RYR1: variants seen among roughly 807,000 people sequenced by gnomAD.
RYR1 encodes the protein ryanodine receptor 1, also known as central core disease of muscle.
A neutral mutation model predicts 583.5 loss-of-function variants in RYR1; 342 were observed. That is an observed-to-expected ratio of 0.59 (90% confidence interval 0.54 to 0.64). The LOEUF (loss-of-function observed/expected upper bound fraction) is 0.64. RYR1 is among the 30% of genes least tolerant of loss of function. The pLI, the probability that RYR1 is intolerant of heterozygous loss-of-function variation, is 0.00. For synonymous variants in RYR1, 2,791 were observed against 2,822.5 expected, an observed-to-expected ratio of 0.99 and a Z score of 0.35; for missense variants, 6,032 against 6,917.2, an observed-to-expected ratio of 0.87 and a Z score of 4.54.
At chr19:38,492,735 A>AGG (rs1331425159) in intron 38 of RYR1, 99 bp downstream of exon 38, 33 of 1,277,206 alleles carry the variant, frequency 2.6e-5, no homozygotes, top group Non-Finnish European at 3.4e-5. Context: ...GACAGATGCA[A>AGG]GGGAGGGGTA....
intron 65 of RYR1, among the ~76,000 whole-genome samples, chr19:38,516,897 C>T (rs1373601855): frequency 6.6e-6 from 1 of 152,152 alleles, no homozygotes; most frequent in Non-Finnish European, 1.5e-5. Context: ...AACTTGTCTT[C>T]TTGGTCAGCT....
At chr19:38,518,470 A>G (rs1018196505) in intron 66 of RYR1, among the ~76,000 whole-genome samples, 1 of 152,066 alleles carries the variant, frequency 6.6e-6, no homozygotes, top group Admixed American at 6.6e-5. Flanking sequence ...GTCAACCTAG[A>G]AATCAGGAGC....
chr19:38,565,271 CTGCGGCGGCGCG>C lies in RYR1; in HGVS notation c.12947_12958del (p.Arg4316_Arg4319del), dbSNP rs1455190973. 24 of 995,600 alleles carry C rather than the reference CTGCGGCGGCGCG, an allele frequency of 2.4e-5. No homozygotes were observed. The highest frequency in any genetic ancestry group is 2.9e-5 in the Non-Finnish European group (24 of 838,332). 61.7% of individuals were successfully genotyped at this position (995,600 alleles called of 1,614,324 possible). ...CCTGCGAGGCCTCAGCTACCGCAGC[CTGCGGCGGCGCG>C]TGCGGCGGCTGCGGCGGCTTACGGC... On this transcript the variant is annotated inframe_deletion, in exon 91 of 106. Transcript: ENST00000359596. The surrounding 1 kb of genome is among the most constrained non-coding windows in gnomAD (Gnocchi z 4.7).
chr19:38,529,063 G>A lies in RYR1; in HGVS notation c.11141+6G>A, dbSNP rs1971614630. 1 of 1,613,222 alleles carries A rather than the reference G, an allele frequency of 6.2e-7. No homozygotes were observed. The highest frequency in any genetic ancestry group is 1.3e-5 in the African/African-American group (1 of 74,914). ...ACTGCCCTGACGGAAAAGAGGTGAA[G>A]ACTCTTGCCAGGGCCCCAGAAATGC... On this transcript the variant is annotated splice_donor_region_variant and intron_variant, in intron 76 of 105. Coordinates refer to ENST00000359596, the MANE Select transcript of RYR1 (RefSeq NM_000540.3).
At chr19:38,458,606 TTTATTTTGTTTG>T (rs1023131168) in intron 18 of RYR1, among the ~76,000 whole-genome samples, 3 of 150,702 alleles carry the variant, frequency 2.0e-5, no homozygotes, top group Non-Finnish European at 4.4e-5. Flanking sequence ...TATTTATTTA[TTTATTTTGTTTG>T]TTTGTTTGTT....
At position 38,565,473 on chromosome 19, in the gene RYR1, T is replaced by C; in HGVS notation, c.13139T>C (p.Leu4380Pro). The change falls in exon 91 of 106, where the codon CTG becomes CCG. Residue 4380 changes from leucine (L) to proline (P), a missense_variant. By Grantham distance (98) the Leu-to-Pro change is moderately conservative. This residue lies in a region of RYR1 where 753 missense variants were observed against 759.6 expected (regional missense o/e 0.99). Coordinates refer to ENST00000359596, the MANE Select transcript of RYR1 (RefSeq NM_000540.3). The surrounding 1 kb of genome is among the most constrained non-coding windows in gnomAD (Gnocchi z 4.7). ...GAKKVTVTEL[L>P]AGMPDPTSDE... ...AAGAAGGTGACGGTGACCGAGCTCCTGGCAGGCATGCCCGACCCCACCAGC... is the reference window on the plus strand; with the variant it reads ...AAGAAGGTGACGGTGACCGAGCTCCCGGCAGGCATGCCCGACCCCACCAGC... The C allele has an allele frequency of 6.6e-7, 1 of 1,504,196 alleles. No homozygotes were observed. The highest frequency in any genetic ancestry group is 8.8e-7 in the Non-Finnish European group (1 of 1,134,080). 93.2% of individuals were successfully genotyped at this position (1,504,196 alleles called of 1,614,324 possible). A position where few individuals can be genotyped will look rare whatever the true frequency, so the allele number is the denominator to read the frequency against.
chr19:38,543,498 CA>C lies in RYR1; in HGVS notation c.11779-33del. On this transcript the variant is annotated intron_variant, in intron 85 of 105. Transcript: ENST00000359596. The surrounding 1 kb of genome is among the most constrained non-coding windows in gnomAD (Gnocchi z 4.4). ...GGGGCTGCAGGGCCATGGTCGGCCC[CA>C]GCACCCCCTCACACCCTACCCGCCC... is the stretch of plus-strand genomic sequence containing the variant. 1 of 1,614,200 alleles carries C rather than the reference CA, an allele frequency of 6.2e-7. No individual in the cohort carries two copies. The highest frequency in any genetic ancestry group is 8.5e-7 in the Non-Finnish European group (1 of 1,180,024).
rs118192143 is a variant in RYR1, at chr19:38,580,395, C to T, written c.14537C>T (p.Ala4846Val). 2.5e-6 allele frequency: 4 copies of T among 1,614,100 alleles called. No homozygotes were observed. Among genetic ancestry groups the T allele is most frequent in the South Asian group, 1.1e-5 (1 of 91,082 alleles). The change falls in exon 101 of 106, where the codon GCG becomes GTG. Residue 4846 changes from alanine to valine, a missense_variant. This residue lies in a region of RYR1 where 189 missense variants were observed against 350.3 expected (regional missense o/e 0.54). Transcript: ENST00000359596. The stretch of plus-strand genomic sequence containing the variant: ...CTGGTGATGACCGTGGGCCTTCTGG[C>T]GGTGGTCGTCTACCTGTACACCGTG... ...KQLVMTVGLL[A>V]VVVYLYTVVA... is the part of the protein sequence containing the mutation.
rs1600772418 is a variant in RYR1, at chr19:38,485,961, C to T, written c.5306C>T (p.Thr1769Ile). 1.2e-6 allele frequency: 2 copies of T among 1,613,616 alleles called. No homozygotes were observed. ...GGCCTGCCGGGAGTTGGAGTCACCA[C>T]TTCGCTGAGGCCCCCGCATCATTTC... ...RHGLPGVGVTTSLRPPHHFSP... is the reference protein window; with the variant it reads ...RHGLPGVGVTISLRPPHHFSP... The change falls in exon 34 of 106, where the codon ACT becomes ATT. Residue 1769 changes from threonine (T) to isoleucine (I), a missense_variant. By Grantham distance (89) the Thr-to-Ile change is moderately conservative. Coordinates refer to ENST00000359596, the MANE Select transcript of RYR1 (RefSeq NM_000540.3).
At chr19:38,469,644 T>A in intron 27 of RYR1, 131 bp downstream of exon 27, 1 of 980,208 alleles carries the variant, frequency 1.0e-6, no homozygotes, top group Non-Finnish European at 1.6e-6. Context: ...GTCAGAGTGA[T>A]GGGCTCACGG....
chr19:38,463,254 A>G (rs1431716586), intron 20 of RYR1, among the ~76,000 whole-genome samples, 169 bp from the exon 21 acceptor site: 1 of 148,772 alleles, frequency 6.7e-6, no homozygotes, highest in Non-Finnish European at 1.5e-5. Context: ...CACCCATCTG[A>G]GTGTCAACCC....
Position 38,502,925 on chromosome 19 carries a change from G to T in RYR1, c.7881G>T (p.Val2627=), listed in dbSNP as rs201877620. 9 of 1,611,738 alleles carry T rather than the reference G, an allele frequency of 5.6e-6. No individual in the cohort carries two copies. The highest frequency in any genetic ancestry group is 7.6e-6 in the Non-Finnish European group (9 of 1,180,012). Residue 2627 remains valine (V), a synonymous_variant, in exon 49 of 106, where the codon GTG becomes GTT. Transcript: ENST00000359596. ...TGCAGCACCTGTTGCGCCGCCTGGT[G>T]TTCGACGTGCCCATCCTCAACGAGT... The part of the protein sequence containing the change: ...SMLQHLLRRL[V]FDVPILNEFA...
intron 39 of RYR1, among the ~76,000 whole-genome samples, chr19:38,495,876 C>T (rs751751138): frequency 6.6e-6 from 1 of 152,190 alleles, no homozygotes; most frequent in Non-Finnish European, 1.5e-5. Flanking sequence ...GATTCTCCCA[C>T]CTCAGCCTCC....
chr19:38,460,625 G>T, intron 20 of RYR1, 34 bp downstream of exon 20: 4 of 1,586,220 alleles, frequency 2.5e-6, no homozygotes, highest in Non-Finnish European at 2.6e-6. Flanking sequence ...TTCTGGCGAG[G>T]CAGGGTCTCT....
At chr19:38,574,602 A>C (rs1052164359) in intron 96 of RYR1, among the ~76,000 whole-genome samples, 3 of 152,066 alleles carry the variant, frequency 2.0e-5, no homozygotes, top group Admixed American at 1.3e-4. Context: ...ACTGTCCTTC[A>C]GCCTGAGTGA....
intron 3 of RYR1, 77 bp from the exon 4 acceptor site, chr19:38,443,481 G>C: frequency 7.4e-7 from 1 of 1,356,048 alleles, no homozygotes; most frequent in East Asian, 2.4e-5. Flanking sequence ...CTTGTCACCT[G>C]TGACTAGGCC....
At position 38,457,511 on chromosome 19, in the gene RYR1, A is replaced by G. The variant is rs1275967635; in HGVS notation, c.1806A>G (p.Leu602=). 3.7e-6 allele frequency: 6 copies of G among 1,613,830 alleles called. No homozygotes were observed. The African/African-American group carries it at 4.0e-5, about 11-fold the overall frequency. The change falls in exon 17 of 106, where the codon CTA becomes CTG. Residue 602 remains leucine, a synonymous_variant. Coordinates refer to ENST00000359596, the MANE Select transcript of RYR1 (RefSeq NM_000540.3). The part of the protein sequence containing the change: ...HGRNHKVLDV[L]CSLCVCNGVA... ...TTGACCTCTAGGTCCTGGACGTGCT[A>G]TGCTCCCTGTGTGTGTGTAATGGTG...
chr19:38,495,216 T>C (rs1386405658), intron 39 of RYR1, among the ~76,000 whole-genome samples: 2 of 152,168 alleles, frequency 1.3e-5, no homozygotes, highest in African/African-American at 4.8e-5. Flanking sequence ...AAGCCTACTC[T>C]GAAGGGTTGT....
At chr19:38,519,914 T>C (rs952128380) in intron 67 of RYR1, among the ~76,000 whole-genome samples, 1 of 151,908 alleles carries the variant, frequency 6.6e-6, no homozygotes, top group African/African-American at 2.4e-5. Context: ...CTTGACCTCA[T>C]GATTTGCCTG....
Sources: allele counts gnomAD v4.1 joint callset (sites outside exome capture counted in the v4.1 genomes callset), GRCh38; gene constraint gnomAD v4.1.1; regional missense constraint gnomAD v4.1.1; non-coding constraint Gnocchi (gnomAD v3.1); transcripts MANE v1.5; gene names NCBI Gene and HGNC (gene_info 2026-07-23, HGNC 2026-07-21).